Variants in TRPV1 observed in about 807,000 individuals in gnomAD.
The protein encoded by TRPV1 is transient receptor potential cation channel subfamily V member 1.
TRPV1 carries 82 observed loss-of-function variants against 82.3 expected under a neutral mutation model. The ratio of observed to expected loss-of-function variants is 1.00; its 90% CI spans 0.83 to 1.20. The LOEUF is 1.20. Among genes scored for constraint, TRPV1 ranks in the 50% most tolerant of loss-of-function variants. TRPV1 has a pLI of 0.00. For synonymous variants in TRPV1, 515 were observed against 467.7 expected, an observed-to-expected ratio of 1.10 and a Z score of -1.30; for missense variants, 1,067 against 1,096.8, an observed-to-expected ratio of 0.97 and a Z score of 0.38.
chr17:3,599,597 T>C (rs938774964), intron 2 of TRPV1, among the ~76,000 whole-genome samples: 1 of 151,920 alleles, frequency 6.6e-6, no homozygotes, highest in Non-Finnish European at 1.5e-5. Flanking sequence ...TTCATCCATG[T>C]AGTAGCCTGT....
In TRPV1 at chr17:3,580,822, G is replaced by T. The variant is rs377104967; in HGVS notation, c.1477-295C>A. Among the ~76,000 whole-genome samples, 17 of 152,234 alleles carry T rather than the reference G, an allele frequency of 1.1e-4. No individual in the cohort carries two copies. The East Asian group carries it at 2.5e-3, about 23-fold the overall frequency. ...ACCTGAGGTTAGGAGTTCGAGACCA[G>T]CCTGGCCAACATGGTGAAATCCCGT... On this transcript the variant is annotated intron_variant, in intron 10 of 16. Transcript: ENST00000572705.
In TRPV1 at chr17:3,600,364, G is replaced by A. The variant is rs368665463; in HGVS notation, c.-33-7981C>T. Among the ~76,000 whole-genome samples, 10 of 152,284 alleles carry A rather than the reference G, an allele frequency of 6.6e-5. No homozygotes were observed. The East Asian group carries it at 1.9e-3, about 29-fold the overall frequency. On this transcript the variant is annotated intron_variant, in intron 2 of 16. Coordinates refer to ENST00000572705, the MANE Select transcript of TRPV1 (RefSeq NM_080704.4). ...GCACTTTGGGAGGCAGAAGTGGGCGGACTGTCTGAGGTCAGGAGTTCAAGA... is the reference window on the plus strand; with the variant it reads ...GCACTTTGGGAGGCAGAAGTGGGCGAACTGTCTGAGGTCAGGAGTTCAAGA...
Position 3,566,500 on chromosome 17 carries a change from A to C in TRPV1, c.*315T>G, listed in dbSNP as rs1489172889. 3.0e-5 allele frequency: 6 copies of C among 197,738 alleles called. No homozygotes were observed. The allele number at this position is 197,738 out of a possible 1,614,324, so 12.2% of individuals were successfully genotyped here. ...GAAGAGTGAAATTCTGTCTCAAAAAAAAGAATAAAATCAAAGAAAACAAGG... is the reference window on the plus strand; with the variant it reads ...GAAGAGTGAAATTCTGTCTCAAAAACAAGAATAAAATCAAAGAAAACAAGG... On this transcript the variant is annotated 3_prime_UTR_variant, in exon 17 of 17. Coordinates refer to ENST00000572705, the MANE Select transcript of TRPV1 (RefSeq NM_080704.4).
intron 16 of TRPV1, among the ~76,000 whole-genome samples, chr17:3,568,476 A>C (rs2150821608): frequency 6.6e-6 from 1 of 152,282 alleles, no homozygotes; most frequent in South Asian, 2.1e-4. Context: ...TTCCAACTAA[A>C]CTCACAGGAA....
chr17:3,574,693 A>C (rs539489325), intron 13 of TRPV1, among the ~76,000 whole-genome samples: 1 of 152,292 alleles, frequency 6.6e-6, no homozygotes, highest in Admixed American at 6.5e-5. Flanking sequence ...TCACGCCTGT[A>C]ATCCCAGCAC....
intron 2 of TRPV1, chr17:3,595,634 TGCTCGTTAGGCA>T (rs1401865103): frequency 1.3e-5 from 2 of 152,240 alleles, no homozygotes; most frequent in African/African-American, 4.8e-5. Context: ...GAATAGGGGC[TGCTCGTTAGGCA>T]GCCCAGCAAG....
chr17:3,600,541 A>G (rs545770083), intron 2 of TRPV1, among the ~76,000 whole-genome samples: 1 of 152,308 alleles, frequency 6.6e-6, no homozygotes, highest in South Asian at 2.1e-4. Context: ...GTGAGCTGAG[A>G]TCACACCACT....
rs1244514980 is a variant in TRPV1, at chr17:3,573,809, T to A, written c.1927A>T (p.Ile643Phe). ...GTGAACTCCAGGTCGCCCATGCCGA[T>A]GGTGAACTTGAACAGCTCCAGGCAG... is the stretch of plus-strand genomic sequence containing the variant. Reference protein sequence around the residue: ...STCLELFKFTIGMGDLEFTEN... With the variant: ...STCLELFKFTFGMGDLEFTEN... The change falls in exon 14 of 17, where the codon ATC (isoleucine) becomes TTC (phenylalanine). Residue 643 changes from isoleucine (I) to phenylalanine (F), a missense_variant. Physicochemically the swap from Ile to Phe is conservative, Grantham distance 21. Coordinates refer to ENST00000572705, the MANE Select transcript of TRPV1 (RefSeq NM_080704.4). 1 of 1,613,764 alleles carries A rather than the reference T, an allele frequency of 6.2e-7. No homozygotes were observed. The highest frequency in any genetic ancestry group is 8.5e-7 in the Non-Finnish European group (1 of 1,179,836).
intron 2 of TRPV1, among the ~76,000 whole-genome samples, chr17:3,594,243 G>GGGA (rs1259296917): frequency 6.6e-6 from 1 of 151,474 alleles, no homozygotes. Flanking sequence ...TAGGAAGTTA[G>GGGA]GGAGATTACT....
chr17:3,607,103 T>C (rs955579280), intron 2 of TRPV1, among the ~76,000 whole-genome samples: 1 of 152,128 alleles, frequency 6.6e-6, no homozygotes, highest in African/African-American at 2.4e-5. Context: ...ATCCCAGCAC[T>C]TTGGGAGGCT....
At chr17:3,575,863 A>C (rs901992962) in intron 13 of TRPV1, among the ~76,000 whole-genome samples, 31 of 152,140 alleles carry the variant, frequency 2.0e-4, no homozygotes, top group Non-Finnish European at 5.9e-5. Flanking sequence ...TGTCAAAACC[A>C]CTGGCCTCTA....
chr17:3,605,978 A>T (rs1209262581), intron 2 of TRPV1, among the ~76,000 whole-genome samples: 1 of 144,648 alleles, frequency 6.9e-6, no homozygotes, highest in Non-Finnish European at 1.5e-5. Flanking sequence ...TTTATTTTAA[A>T]GACAGAATCT....
chr17:3,595,386 G>C (rs752354597), intron 2 of TRPV1, among the ~76,000 whole-genome samples: 6 of 152,226 alleles, frequency 3.9e-5, no homozygotes, highest in Non-Finnish European at 8.8e-5. Context: ...CGATGCTGGA[G>C]GTCTGGGGCT....
intron 11 of TRPV1, among the ~76,000 whole-genome samples, chr17:3,580,222 T>C (rs2074988557): frequency 6.6e-6 from 1 of 152,106 alleles, no homozygotes; most frequent in Non-Finnish European, 1.5e-5. Context: ...GTGAACAAGG[T>C]CCGTCTCACT....
intron 16 of TRPV1, among the ~76,000 whole-genome samples, chr17:3,571,010 C>T (rs2074844950): frequency 6.6e-6 from 1 of 152,248 alleles, no homozygotes; most frequent in Non-Finnish European, 1.5e-5. Flanking sequence ...AGCCACTGTG[C>T]CCGGCCTCCT....
intron 2 of TRPV1, among the ~76,000 whole-genome samples, chr17:3,594,059 T>C (rs1210048985): frequency 7.1e-6 from 1 of 140,138 alleles, no homozygotes; most frequent in East Asian, 2.1e-4. Context: ...ACCCAGGATG[T>C]AGAGGTTACA....
At chr17:3,596,467 G>A (rs1440234610) in intron 2 of TRPV1, among the ~76,000 whole-genome samples, 1 of 152,194 alleles carries the variant, frequency 6.6e-6, no homozygotes. Flanking sequence ...CAGGGGTGAA[G>A]AACAAAGAGA....
chr17:3,602,773 G>C (rs1323408032), intron 2 of TRPV1, among the ~76,000 whole-genome samples: 1 of 152,218 alleles, frequency 6.6e-6, no homozygotes, highest in African/African-American at 2.4e-5. Context: ...CTGAGCTCTT[G>C]ACACTGGCCA....
intron 14 of TRPV1, among the ~76,000 whole-genome samples, chr17:3,572,505 G>A (rs979430044): frequency 6.6e-6 from 1 of 152,190 alleles, no homozygotes; most frequent in Admixed American, 6.5e-5. Context: ...GCAGCCCCGG[G>A]AGTGATACGG....
Sources: gnomAD v4.1 joint callset for allele counts (sites outside exome capture counted in the v4.1 genomes callset) on GRCh38, gnomAD v4.1.1 for gene constraint, MANE v1.5 for transcripts, NCBI Gene and HGNC (gene_info 2026-07-23, HGNC 2026-07-21) for gene names.